Variants in HECW2 observed in about 807,000 individuals in gnomAD.
The protein encoded by HECW2 is HECT, C2 and WW domain containing E3 ubiquitin protein ligase 2.
HECW2 carries 61 observed loss-of-function variants against 175.2 expected under a neutral mutation model. The ratio of observed to expected loss-of-function variants is 0.35; its 90% CI spans 0.28 to 0.43. HECW2 has a LOEUF of 0.43. Ranked by LOEUF, HECW2 falls within the 20% of genes least tolerant of loss-of-function variation. The pLI is 1.00. For missense variants in HECW2, 1,524 were observed against 2,000.5 expected (o/e 0.76, Z 4.54); for synonymous variants, 671 against 731.0 (o/e 0.92, Z 1.32).
At chr2:196,545,399 C>T (rs1007915343) in intron 1 of HECW2, among the ~76,000 whole-genome samples, 28 of 152,010 alleles carry the variant, frequency 1.8e-4, no homozygotes, top group Admixed American at 4.6e-4. Flanking sequence ...CAAAGCCCAA[C>T]GGGAGAGCAG....
At chr2:196,458,365 T>A (rs925080075) in intron 1 of HECW2, among the ~76,000 whole-genome samples, 6 of 152,118 alleles carry the variant, frequency 3.9e-5, no homozygotes, top group African/African-American at 1.4e-4. Context: ...ATCCAGGCTC[T>A]GAAAAGGAAA....
At chr2:196,226,628 A>G (rs1398942390) in intron 22 of HECW2, among the ~76,000 whole-genome samples, 1 of 152,208 alleles carries the variant, frequency 6.6e-6, no homozygotes, top group Non-Finnish European at 1.5e-5. Flanking sequence ...TTGACAGATG[A>G]GACCTCTGGA....
intron 1 of HECW2, among the ~76,000 whole-genome samples, chr2:196,590,124 G>A (rs984209367): frequency 6.6e-6 from 1 of 152,062 alleles, no homozygotes; most frequent in Admixed American, 6.5e-5. Context: ...AAAAAATTCA[G>A]GATTCCTTAA....
chr2:196,318,538 TG>T lies in HECW2; in HGVS notation c.2338+13del. 1.4e-6 allele frequency: 2 copies of T among 1,479,080 alleles called. No individual in the cohort carries two copies. The highest frequency in any genetic ancestry group is 1.8e-6 in the Non-Finnish European group (2 of 1,113,662). The allele number at this position is 1,479,080 out of a possible 1,614,324, so 91.6% of individuals were successfully genotyped here. A position where few individuals can be genotyped will look rare whatever the true frequency, so the allele number is the denominator to read the frequency against. ...ACGCTCGAGCCAAGAGCCACAGTGG[TG>T]TCCATATCCTACCTCCAGTAGCGCC... On this transcript the variant is annotated intron_variant, in intron 9 of 28. Coordinates refer to ENST00000644978, the MANE Select transcript of HECW2 (RefSeq NM_001348768.2).
rs763109260 is a variant in HECW2 at position 196,440,586 on chromosome 2, A to G, written c.-35-7128T>C. Reference sequence around the variant, plus strand: ...CATATGGGAAAACCAGTGTTACTCAATAACAGAGAACAGCTGCTGCGCATT... The same window carrying G: ...CATATGGGAAAACCAGTGTTACTCAGTAACAGAGAACAGCTGCTGCGCATT... On this transcript the variant is annotated intron_variant, in intron 1 of 28. Coordinates refer to ENST00000644978, the MANE Select transcript of HECW2 (RefSeq NM_001348768.2). Among the ~76,000 whole-genome samples, 45 of 152,216 alleles carry G rather than the reference A, an allele frequency of 3.0e-4. 1 individual carries two copies. The highest frequency in any genetic ancestry group is 4.4e-4 in the Non-Finnish European group (30 of 68,034).
chr2:196,550,291 C>T (rs1689566205), intron 1 of HECW2, among the ~76,000 whole-genome samples: 1 of 152,144 alleles, frequency 6.6e-6, no homozygotes, highest in Non-Finnish European at 1.5e-5. Context: ...TCCTGATGAT[C>T]AGCTGTATTT....
intron 28 of HECW2, among the ~76,000 whole-genome samples, chr2:196,211,184 T>C (rs564579178): frequency 6.6e-6 from 1 of 152,256 alleles, no homozygotes; most frequent in South Asian, 2.1e-4. Context: ...CTCCGTCCCA[T>C]CACCCAACTT....
At chr2:196,394,163 AG>A (rs948142831) in intron 2 of HECW2, among the ~76,000 whole-genome samples, 2 of 134,436 alleles carry the variant, frequency 1.5e-5, no homozygotes, top group African/African-American at 5.8e-5. Context: ...GAGGGGGGAG[AG>A]GGGGGAGGGA....
intron 1 of HECW2, among the ~76,000 whole-genome samples, chr2:196,569,623 CTCTA>C (rs775083021): frequency 7.9e-5 from 12 of 152,158 alleles, no homozygotes; most frequent in Non-Finnish European, 1.3e-4. Flanking sequence ...TAGGGGGACC[CTCTA>C]TCTGAGACTT....
chr2:196,587,452 A>T (rs1376920621), intron 1 of HECW2, among the ~76,000 whole-genome samples: 1 of 152,236 alleles, frequency 6.6e-6, no homozygotes, highest in African/African-American at 2.4e-5. Context: ...GTCTCTATAC[A>T]TACATATTCC....
rs191962044 is a variant in HECW2 at position 196,532,909 on chromosome 2, C to T, written c.-36+60599G>A. Among the ~76,000 whole-genome samples the T allele has an allele frequency of 7.2e-5, 11 of 152,274 alleles. No individual in the cohort carries two copies. The East Asian group carries it at 1.9e-3, about 27-fold the overall frequency. ...GGCTCAGTGAACTCTTCTGTCTAGG[C>T]TGCTCCCCAAGATATCTTATTAAGA... On this transcript the variant is annotated intron_variant, in intron 1 of 28. Transcript: ENST00000644978.
chr2:196,376,930 C>G (rs1031898166), intron 2 of HECW2, among the ~76,000 whole-genome samples: 1 of 151,164 alleles, frequency 6.6e-6, no homozygotes, highest in East Asian at 1.9e-4. Context: ...AAAACTCCAT[C>G]TCAAAAAAAA....
At chr2:196,473,723 C>A (rs1186574571) in intron 1 of HECW2, among the ~76,000 whole-genome samples, 3 of 152,206 alleles carry the variant, frequency 2.0e-5, no homozygotes, top group South Asian at 2.1e-4. Context: ...AGTAACAGGT[C>A]TGGCCTTATT....
intron 3 of HECW2, among the ~76,000 whole-genome samples, chr2:196,337,346 G>T (rs1189663287): frequency 6.7e-6 from 1 of 150,136 alleles, no homozygotes; most frequent in Non-Finnish European, 1.5e-5. Context: ...CTATTTCTGA[G>T]AAATATATAC....
chr2:196,408,295 G>A (rs956999997), intron 2 of HECW2, among the ~76,000 whole-genome samples: 2 of 152,192 alleles, frequency 1.3e-5, no homozygotes, highest in Admixed American at 1.3e-4. Context: ...GAGGTATCAA[G>A]AATCACAAGT....
At position 196,209,765 on chromosome 2, in the gene HECW2, CTTTTT is replaced by C. The variant is rs59896485; in HGVS notation, c.4607+6095_4607+6099del. On this transcript the variant is annotated intron_variant, in intron 28 of 28. Transcript: ENST00000644978. The stretch of plus-strand genomic sequence containing the variant: ...TCTGATGGTTTTTCTTTCTTTCTTT[CTTTTT>C]TTTTTTTTTTTGAGACGGAGTCTGG... Among the ~76,000 whole-genome samples the C allele has an allele frequency of 6.1e-4, 85 of 140,214 alleles. 1 individual carries two copies. Among genetic ancestry groups the C allele is most frequent in the African/African-American group, 2.0e-3 (75 of 37,784 alleles). 92.0% of individuals were successfully genotyped at this position (140,214 alleles called of 152,430 possible).
intron 1 of HECW2, among the ~76,000 whole-genome samples, chr2:196,551,595 T>C (rs1341865001): frequency 6.6e-6 from 1 of 152,208 alleles, no homozygotes; most frequent in Non-Finnish European, 1.5e-5. Context: ...TTTATACTGG[T>C]ATAATATAAT....
chr2:196,360,680 C>A (rs778873128), intron 2 of HECW2, among the ~76,000 whole-genome samples: 1 of 152,082 alleles, frequency 6.6e-6, no homozygotes, highest in Admixed American at 6.6e-5. Flanking sequence ...TGCATATGTA[C>A]CCCTGAACCT....
At chr2:196,442,667 G>T (rs934188109) in intron 1 of HECW2, among the ~76,000 whole-genome samples, 3 of 152,060 alleles carry the variant, frequency 2.0e-5, no homozygotes, top group Non-Finnish European at 2.9e-5. Context: ...CATGCTATAA[G>T]GTTAAGTATT....
Sources: allele counts gnomAD v4.1 joint callset (sites outside exome capture counted in the v4.1 genomes callset), GRCh38; gene constraint gnomAD v4.1.1; transcripts MANE v1.5; gene names NCBI Gene and HGNC (gene_info 2026-07-23, HGNC 2026-07-21).